PRKG1: variants seen among roughly 807,000 people sequenced by gnomAD.
The protein encoded by PRKG1 is cGMP-dependent protein kinase 1.
A neutral mutation model predicts 88.1 loss-of-function variants in PRKG1; 35 were observed. The ratio of observed to expected loss-of-function variants is 0.40; its 90% CI spans 0.30 to 0.53. The LOEUF is 0.53. PRKG1 is among the 20% of genes least tolerant of loss of function. PRKG1 has a pLI of 0.59. For synonymous variants in PRKG1, 303 were observed against 292.5 expected (o/e 1.04, Z -0.37); for missense variants, 540 against 839.8 (o/e 0.64, Z 4.41).
intron 3 of PRKG1, among the ~76,000 whole-genome samples, chr10:51,760,979 G>T (rs1937700): frequency 6.6e-6 from 1 of 151,810 alleles, no homozygotes; most frequent in Non-Finnish European, 1.5e-5. Flanking sequence ...GCCCAGTCTG[G>T]TGTGCATGCC....
At chr10:51,308,601 C>T (rs919425420) in intron 2 of PRKG1, among the ~76,000 whole-genome samples, 1 of 152,014 alleles carries the variant, frequency 6.6e-6, no homozygotes, top group Non-Finnish European at 1.5e-5. Flanking sequence ...TCACTGGTCC[C>T]TAACAATCAG....
rs1842341166 is a variant in PRKG1 at position 52,294,604 on chromosome 10, T to A, written c.*704T>A. ...GTTTTCACAGAAGACTGAAAAATAA[T>A]GCATGATATTTGTTTGTTTTTTTTG... On this transcript the variant is annotated 3_prime_UTR_variant, in exon 18 of 18. Coordinates refer to ENST00000373980, the MANE Select transcript of PRKG1 (RefSeq NM_006258.4). 1 of 152,534 alleles carries A rather than the reference T, an allele frequency of 6.6e-6. No homozygotes were observed. Among genetic ancestry groups the A allele is most frequent in the South Asian group, 2.1e-4 (1 of 4,828 alleles). 9.4% of individuals were successfully genotyped at this position (152,534 alleles called of 1,614,324 possible).
intron 3 of PRKG1, among the ~76,000 whole-genome samples, chr10:51,537,810 A>G (rs1035035629): frequency 1.1e-4 from 17 of 151,626 alleles, no homozygotes; most frequent in Non-Finnish European, 2.2e-4. Context: ...AGTATTCTTT[A>G]ATTGTTCAGG....
At chr10:51,536,653 T>A (rs1302980985) in intron 3 of PRKG1, among the ~76,000 whole-genome samples, 3 of 152,022 alleles carry the variant, frequency 2.0e-5, no homozygotes, top group South Asian at 2.1e-4. Flanking sequence ...TCTTTTTTTT[T>A]ATTATTATTA....
At chr10:51,833,527 C>G (rs993326892) in intron 4 of PRKG1, among the ~76,000 whole-genome samples, 2 of 152,140 alleles carry the variant, frequency 1.3e-5, no homozygotes, top group Non-Finnish European at 2.9e-5. Context: ...GGTAGTAGAG[C>G]TGCATGGAAA....
chr10:52,082,090 T>C (rs1050498716), intron 7 of PRKG1, among the ~76,000 whole-genome samples: 5 of 152,060 alleles, frequency 3.3e-5, no homozygotes, highest in Admixed American at 3.3e-4. Context: ...CTTCTTCACA[T>C]GAAGGCGGCA....
At chr10:51,200,829 C>A (rs1387531771) in intron 2 of PRKG1, among the ~76,000 whole-genome samples, 1 of 152,136 alleles carries the variant, frequency 6.6e-6, no homozygotes, top group Non-Finnish European at 1.5e-5. Context: ...TAATATGCTG[C>A]CTACTGAAAT....
intron 4 of PRKG1, among the ~76,000 whole-genome samples, chr10:51,806,504 G>A (rs1839311681): frequency 6.6e-6 from 1 of 152,158 alleles, no homozygotes; most frequent in Non-Finnish European, 1.5e-5. Context: ...GAGTTTAACT[G>A]GCTGAATAAA....
In PRKG1 at chr10:52,106,747, T is replaced by TAAA. The variant is rs1554804728; in HGVS notation, c.936-27092_936-27090dup. ...ATAATAATAATAATAATAATAATAA[T>TAAA]AAAGTAAATAAATAAAAATGTTGAG... On this transcript the variant is annotated intron_variant, in intron 7 of 17. Transcript: ENST00000373980. Among the ~76,000 whole-genome samples, 36 of 143,430 alleles carry TAAA rather than the reference T, an allele frequency of 2.5e-4. No homozygotes were observed. The East Asian group carries it at 4.7e-3, about 19-fold the overall frequency. The allele number at this position is 143,430 out of a possible 152,430, so 94.1% of individuals were successfully genotyped here.
chr10:51,581,089 A>G (rs1838022417), intron 3 of PRKG1, among the ~76,000 whole-genome samples: 2 of 152,148 alleles, frequency 1.3e-5, no homozygotes, highest in Admixed American at 1.3e-4. Flanking sequence ...TGAGGGCAGG[A>G]GTAGGTTAGT....
intron 2 of PRKG1, among the ~76,000 whole-genome samples, chr10:51,235,423 A>C (rs1453848760): frequency 6.6e-6 from 1 of 151,962 alleles, no homozygotes. Flanking sequence ...CAAACAAACA[A>C]AACTTCTTTT....
intron 10 of PRKG1, among the ~76,000 whole-genome samples, chr10:52,268,453 G>A (rs1380579960): frequency 4.6e-5 from 7 of 151,852 alleles, no homozygotes; most frequent in Non-Finnish European, 7.4e-5. Flanking sequence ...CCTAACACAT[G>A]GAGGTCCCTG....
At chr10:51,564,957 T>C (rs563814007) in intron 3 of PRKG1, among the ~76,000 whole-genome samples, 16 of 152,138 alleles carry the variant, frequency 1.1e-4, no homozygotes, top group Non-Finnish European at 1.9e-4. Context: ...CTTCCTTCCT[T>C]TATTTTTGCT....
intron 2 of PRKG1, among the ~76,000 whole-genome samples, chr10:51,162,858 C>G (rs1280216704): frequency 2.6e-5 from 4 of 152,158 alleles, no homozygotes; most frequent in African/African-American, 9.7e-5. Flanking sequence ...GCTGTGACTA[C>G]AGGTTCATGA....
intron 2 of PRKG1, among the ~76,000 whole-genome samples, chr10:51,344,456 C>T (rs1177663543): frequency 6.6e-6 from 1 of 152,188 alleles, no homozygotes; most frequent in Non-Finnish European, 1.5e-5. Flanking sequence ...AATAGTCAAA[C>T]TATATCAGAC....
Position 52,288,719 on chromosome 10 carries a change from C to G in PRKG1, c.1710-7C>G, listed in dbSNP as rs778177034. On this transcript the variant is annotated splice_polypyrimidine_tract_variant and splice_region_variant and intron_variant, in intron 14 of 17. Transcript: ENST00000373980. ...AATATCTCTTGTCGTGTCTCTCATTCTTGCAGCCCACCTTTCTCAGGCCCA... is the reference window on the plus strand; with the variant it reads ...AATATCTCTTGTCGTGTCTCTCATTGTTGCAGCCCACCTTTCTCAGGCCCA... 1 of 1,571,946 alleles carries G rather than the reference C, an allele frequency of 6.4e-7. No homozygotes were observed. The highest frequency in any genetic ancestry group is 8.6e-7 in the Non-Finnish European group (1 of 1,166,912).
chr10:51,570,413 T>G (rs1837722974), intron 3 of PRKG1, among the ~76,000 whole-genome samples: 1 of 151,966 alleles, frequency 6.6e-6, no homozygotes, highest in African/African-American at 2.4e-5. Context: ...GTATATTTAC[T>G]GTTCATTAAG....
chr10:51,539,014 C>T (rs1383426827), intron 3 of PRKG1, among the ~76,000 whole-genome samples: 1 of 151,900 alleles, frequency 6.6e-6, no homozygotes, highest in Non-Finnish European at 1.5e-5. Context: ...TTATTTCATT[C>T]AACTTGAAAA....
At chr10:51,418,107 G>T (rs1838295637) in intron 2 of PRKG1, among the ~76,000 whole-genome samples, 1 of 152,182 alleles carries the variant, frequency 6.6e-6, no homozygotes, top group Admixed American at 6.6e-5. Context: ...GCAACTGTGA[G>T]TGAGATAAAA....
Sources: allele counts gnomAD v4.1 joint callset (sites outside exome capture counted in the v4.1 genomes callset), GRCh38; gene constraint gnomAD v4.1.1; transcripts MANE v1.5; gene names NCBI Gene and HGNC (gene_info 2026-07-23, HGNC 2026-07-21).